KRABD5: variants seen among roughly 807,000 people sequenced by gnomAD.
The protein encoded by KRABD5 is KRAB domain-containing protein 5.
chr16:31,713,543 A>T, the KRABD5 span: 2 of 1,447,236 alleles, frequency 1.4e-6, no homozygotes, highest in Non-Finnish European at 1.8e-6. Flanking sequence ...GTCCCCGCGG[A>T]CGCAACTCGG....
the KRABD5 span, among the ~76,000 whole-genome samples, chr16:31,732,063 G>A: frequency 1.3e-5 from 2 of 152,188 alleles, no homozygotes; most frequent in Admixed American, 6.5e-5. Context: ...TTGAGTGGCA[G>A]GACCAAGACC....
chr16:31,746,038 A>G, the KRABD5 span, among the ~76,000 whole-genome samples: 2 of 151,830 alleles, frequency 1.3e-5, no homozygotes, highest in African/African-American at 2.4e-5. Flanking sequence ...GGGTGTCCTG[A>G]CAGCAAACCA....
chr16:31,754,548 A>G, the KRABD5 span: 1 of 543,762 alleles, frequency 1.8e-6, no homozygotes, highest in Non-Finnish European at 3.5e-6. Flanking sequence ...AACCATTGCA[A>G]ACGTAAAAAA....
the KRABD5 span, chr16:31,722,632 T>C: frequency 6.2e-7 from 1 of 1,613,048 alleles, no homozygotes; most frequent in East Asian, 2.2e-5. Flanking sequence ...TCAGGGACTG[T>C]TGACATTCAG....
At chr16:31,755,358 G>T in the KRABD5 span, 4 of 504,486 alleles carry the variant, frequency 7.9e-6, no homozygotes, top group Admixed American at 2.1e-5. Flanking sequence ...CAACATCAAA[G>T]AATTCATACC....
At chr16:31,747,968 C>T in the KRABD5 span, among the ~76,000 whole-genome samples, 79 of 152,244 alleles carry the variant, frequency 5.2e-4, no homozygotes, top group Non-Finnish European at 9.7e-4. Context: ...GTAGTTTCTT[C>T]TGCTGTGCAG....
At chr16:31,730,720 T>C in the KRABD5 span, among the ~76,000 whole-genome samples, 256 of 152,256 alleles carry the variant, frequency 1.7e-3, no homozygotes, top group African/African-American at 5.7e-3. Flanking sequence ...GGCTATATGC[T>C]TCCTTCATGC....
At chr16:31,746,713 C>A in the KRABD5 span, among the ~76,000 whole-genome samples, 1 of 152,134 alleles carries the variant, frequency 6.6e-6, no homozygotes. Context: ...TTATGTTTTC[C>A]AGCTTGTTTC....
At chr16:31,722,356 C>T in the KRABD5 span, among the ~76,000 whole-genome samples, 7 of 152,254 alleles carry the variant, frequency 4.6e-5, no homozygotes, top group Admixed American at 2.0e-4. Context: ...TATGAGCTAC[C>T]GCGCCCGGCC....
At chr16:31,725,674 G>A in the KRABD5 span, among the ~76,000 whole-genome samples, 3 of 152,166 alleles carry the variant, frequency 2.0e-5, no homozygotes, top group African/African-American at 7.2e-5. Context: ...TTATCTCTCT[G>A]TAAATGTGAG....
the KRABD5 span, chr16:31,713,482 C>A: frequency 1.9e-6 from 3 of 1,582,420 alleles, no homozygotes; most frequent in East Asian, 4.6e-5. Flanking sequence ...GAGGGGCGGT[C>A]GGAAGCGGCG....
chr16:31,758,150 A>T, the KRABD5 span: 9 of 152,178 alleles, frequency 5.9e-5, no homozygotes, highest in African/African-American at 2.2e-4. Flanking sequence ...TTGTAAAGCC[A>T]CAAAGAAAAA....
At chr16:31,723,367 A>G in the KRABD5 span, 7 of 1,607,968 alleles carry the variant, frequency 4.4e-6, no homozygotes, top group Non-Finnish European at 5.1e-6. Context: ...GGTGGGAGTG[A>G]ATGAAGTAGA....
chr16:31,714,696 C>T, the KRABD5 span, among the ~76,000 whole-genome samples: 6 of 152,288 alleles, frequency 3.9e-5, no homozygotes, highest in East Asian at 1.9e-4. Context: ...TCCTGGGGAG[C>T]GCCCCCTTCA....
chr16:31,754,398 TGA>T, the KRABD5 span: 1 of 614,388 alleles, frequency 1.6e-6, no homozygotes, highest in South Asian at 2.0e-5. Flanking sequence ...AATAAAACTT[TGA>T]CAGCCTTTAG....
At chr16:31,741,718 A>T in the KRABD5 span, among the ~76,000 whole-genome samples, 1 of 151,972 alleles carries the variant, frequency 6.6e-6, no homozygotes, top group East Asian at 1.9e-4. Flanking sequence ...TCAGGTAGAT[A>T]GTTTGTGAAT....
At chr16:31,744,665 T>C in the KRABD5 span, among the ~76,000 whole-genome samples, 1 of 152,212 alleles carries the variant, frequency 6.6e-6, no homozygotes, top group Admixed American at 6.5e-5. Flanking sequence ...AGTCCCTCCT[T>C]TTCAATTGTT....
At chr16:31,722,602 A>G in the KRABD5 span, 4 of 1,611,278 alleles carry the variant, frequency 2.5e-6, no homozygotes, top group Non-Finnish European at 2.5e-6. Context: ...CACATGGTCA[A>G]TGTGCTATTT....
At chr16:31,739,793 G>A in the KRABD5 span, among the ~76,000 whole-genome samples, 10 of 152,082 alleles carry the variant, frequency 6.6e-5, no homozygotes, top group African/African-American at 1.4e-4. Flanking sequence ...TGGCCATAAC[G>A]CCCATGCTGA....
Sources: gnomAD v4.1 joint callset for allele counts (sites outside exome capture counted in the v4.1 genomes callset) on GRCh38, gnomAD v4.1.1 for gene constraint, MANE v1.5 for transcripts, NCBI Gene and HGNC (gene_info 2026-07-23, HGNC 2026-07-21) for gene names.